Variants in SRPK2 observed in about 807,000 individuals in gnomAD.
SRPK2 encodes the protein SFRS protein kinase 2.
Under a neutral mutation model 90.8 loss-of-function variants are expected in SRPK2, and 21 were observed. That is an observed-to-expected ratio of 0.23 (90% confidence interval 0.16 to 0.33). The LOEUF (loss-of-function observed/expected upper bound fraction) is 0.33. SRPK2 is among the 10% of genes least tolerant of loss of function. The pLI, the probability that SRPK2 is intolerant of heterozygous loss-of-function variation, is 1.00. For missense variants in SRPK2, 620 were observed against 869.0 expected, an observed-to-expected ratio of 0.71 and a Z score of 3.60; for synonymous variants, 288 against 311.1, an observed-to-expected ratio of 0.93 and a Z score of 0.78.
At chr7:105,350,667 G>C (rs1257390701) in intron 2 of SRPK2, among the ~76,000 whole-genome samples, 1 of 151,568 alleles carries the variant, frequency 6.6e-6, no homozygotes, top group Non-Finnish European at 1.5e-5. Context: ...TAGAACTACA[G>C]GCATACGCCA....
At position 105,314,558 on chromosome 7, in the gene SRPK2, AT is replaced by A. The variant is rs540157603; in HGVS notation, c.71+74089del. 1.9e-3 allele frequency among the ~76,000 whole-genome samples: 292 copies of A among 151,918 alleles called. 4 individuals are homozygous for A. Among genetic ancestry groups the A allele is most frequent in the African/African-American group, 6.7e-3 (277 of 41,472 alleles). On this transcript the variant is annotated intron_variant, in intron 2 of 15. Coordinates refer to ENST00000393651, the MANE Select transcript of SRPK2 (RefSeq NM_182692.3). ...ACCATCACGCCCGGCCAATTTTTGT[AT>A]TTTTGGTAGAGACAGGGTTTCACCA...
chr7:105,352,143 T>G (rs952844564), intron 2 of SRPK2, among the ~76,000 whole-genome samples: 1 of 152,132 alleles, frequency 6.6e-6, no homozygotes, highest in Non-Finnish European at 1.5e-5. Flanking sequence ...CCACTGTTTC[T>G]CCTCCTCAAT....
In SRPK2 at chr7:105,176,581, A is replaced by T. The variant is rs60009580; in HGVS notation, c.230-7316T>A. Among the ~76,000 whole-genome samples, 4 of 66,590 alleles carry T rather than the reference A, an allele frequency of 6.0e-5. No homozygotes were observed. The East Asian group carries it at 1.0e-3, about 17-fold the overall frequency. The allele number at this position is 66,590 out of a possible 152,430, so 43.7% of individuals were successfully genotyped here. ...TATGTGTGTGTGTGTGTGTGTGTGT[A>T]TGTATATATGTGTGTGTGTGTGTGT... On this transcript the variant is annotated intron_variant, in intron 3 of 15. Transcript: ENST00000393651.
intron 2 of SRPK2, chr7:105,269,217 T>C: frequency 4.4e-6 from 2 of 457,780 alleles, no homozygotes; most frequent in Non-Finnish European, 5.7e-6. Context: ...GAATTAAATA[T>C]ACTAGATAAT....
intron 13 of SRPK2, among the ~76,000 whole-genome samples, chr7:105,129,653 G>A (rs1335006102): frequency 6.6e-6 from 1 of 152,182 alleles, no homozygotes; most frequent in Non-Finnish European, 1.5e-5. Context: ...GGGATTACAG[G>A]TGTGCATCAC....
intron 3 of SRPK2, among the ~76,000 whole-genome samples, chr7:105,193,525 C>T (rs1270228371): frequency 1.1e-4 from 16 of 152,064 alleles, no homozygotes; most frequent in African/African-American, 3.4e-4. Flanking sequence ...GACTCTTTTT[C>T]GGTTCCATGT....
chr7:105,262,283 G>A (rs1585419273), intron 2 of SRPK2, among the ~76,000 whole-genome samples: 1 of 152,200 alleles, frequency 6.6e-6, no homozygotes, highest in South Asian at 2.1e-4. Context: ...CTTTTATTTA[G>A]GTATATGATA....
upstream of SRPK2, among the ~76,000 whole-genome samples, chr7:105,389,837 A>G (rs1485974615): frequency 1.3e-5 from 2 of 152,226 alleles, no homozygotes; most frequent in Non-Finnish European, 2.9e-5. Context: ...TTTTTGAAAG[A>G]TACGCATTCT....
At chr7:105,287,499 G>A (rs1221060899) in intron 2 of SRPK2, among the ~76,000 whole-genome samples, 1 of 152,150 alleles carries the variant, frequency 6.6e-6, no homozygotes, top group African/African-American at 2.4e-5. Flanking sequence ...CACTTTGGGA[G>A]GCTGAGGAGG....
At chr7:105,373,930 ACTTT>A (rs1230250114) in intron 2 of SRPK2, among the ~76,000 whole-genome samples, 2 of 151,146 alleles carry the variant, frequency 1.3e-5, no homozygotes, top group African/African-American at 4.9e-5. Flanking sequence ...ATTTCTCCCG[ACTTT>A]CTTTCTTTTT....
intron 2 of SRPK2, among the ~76,000 whole-genome samples, chr7:105,223,509 C>A (rs1798350568): frequency 6.6e-6 from 1 of 152,186 alleles, no homozygotes; most frequent in South Asian, 2.1e-4. Context: ...CTTATTTTAG[C>A]CAGATTCTAC....
chr7:105,142,589 C>T (rs1051719006), intron 10 of SRPK2, 99 bp from the exon 11 acceptor site: 3 of 1,459,064 alleles, frequency 2.1e-6, no homozygotes, highest in Non-Finnish European at 2.7e-6. Flanking sequence ...TTTGAATATG[C>T]TTATGTACCA....
chr7:105,168,719 TACACAC>T (rs141696554), intron 4 of SRPK2, among the ~76,000 whole-genome samples: 11 of 120,378 alleles, frequency 9.1e-5, no homozygotes, highest in East Asian at 4.5e-4. Context: ...TTTGTTTCAG[TACACAC>T]ACACACACAC....
downstream of SRPK2, chr7:105,115,439 C>A (rs1799565197): frequency 6.6e-6 from 1 of 152,178 alleles, no homozygotes; most frequent in Non-Finnish European, 1.5e-5. Context: ...TAGCCAGCTC[C>A]TGTATCTGCT....
intron 2 of SRPK2, among the ~76,000 whole-genome samples, chr7:105,273,671 C>T (rs546984427): frequency 3.9e-5 from 6 of 152,260 alleles, no homozygotes; most frequent in Admixed American, 1.3e-4. Flanking sequence ...ACCTCCTCTA[C>T]GTCTCTGTAT....
intron 2 of SRPK2, among the ~76,000 whole-genome samples, chr7:105,296,521 A>G (rs1009017736): frequency 2.0e-5 from 3 of 152,264 alleles, no homozygotes; most frequent in Non-Finnish European, 4.4e-5. Flanking sequence ...TGCATCAAGC[A>G]TATTTCCTAA....
chr7:105,395,589 G>T (rs533487032), intron 1 of SRPK2, among the ~76,000 whole-genome samples: 1 of 152,066 alleles, frequency 6.6e-6, no homozygotes, highest in African/African-American at 2.4e-5. Flanking sequence ...AATTAGCGGG[G>T]TATGGTTGTG....
At chr7:105,312,123 T>C (rs1284738176) in intron 2 of SRPK2, among the ~76,000 whole-genome samples, 1 of 152,146 alleles carries the variant, frequency 6.6e-6, no homozygotes, top group Admixed American at 6.5e-5. Flanking sequence ...AATTTCAAGA[T>C]GAAGTACTGA....
intron 2 of SRPK2, among the ~76,000 whole-genome samples, chr7:105,206,946 T>G (rs909228567): frequency 1.8e-4 from 27 of 152,218 alleles, no homozygotes; most frequent in Admixed American, 6.5e-5. Context: ...TCTAATGACC[T>G]ACTTCATACT....
Sources: gnomAD v4.1 joint callset for allele counts (sites outside exome capture counted in the v4.1 genomes callset) on GRCh38, gnomAD v4.1.1 for gene constraint, MANE v1.5 for transcripts, NCBI Gene and HGNC (gene_info 2026-07-23, HGNC 2026-07-21) for gene names.